TK2: variants seen among roughly 807,000 people sequenced by gnomAD.
TK2 encodes thymidine kinase 2.
In TK2, 35 loss-of-function variants were observed where a neutral mutation model predicts 41.9. The ratio of observed to expected loss-of-function variants is 0.84; its 90% CI spans 0.64 to 1.11. TK2 has a LOEUF of 1.11. Among genes scored for constraint, TK2 ranks in the 50% least tolerant of loss-of-function variants. The pLI, the probability that TK2 is intolerant of heterozygous loss-of-function variation, is 0.00. For synonymous variants in TK2, 128 were observed against 129.1 expected (o/e 0.99, Z 0.06); for missense variants, 320 against 351.1 (o/e 0.91, Z 0.71).
chr16:66,517,447 A>T lies in TK2; in HGVS notation c.539-232T>A, dbSNP rs1455156647. ...GGATTCTGTTCATAGACAGAGCTCA[A>T]AACAGGCCTCACACCCAGCAGGTCT... On this transcript the variant is annotated intron_variant, in intron 7 of 9. Transcript: ENST00000544898. This position sits in a 1 kb window ranked among gnomAD's most constrained non-coding sequence, Gnocchi z 4.3. The T allele has an allele frequency of 1.6e-6, 1 of 618,490 alleles. No individual in the cohort carries two copies. The highest frequency in any genetic ancestry group is 2.8e-5 in the East Asian group (1 of 36,174). 38.3% of individuals were successfully genotyped at this position (618,490 alleles called of 1,614,324 possible). A position where few individuals can be genotyped will look rare whatever the true frequency, so the allele number is the denominator to read the frequency against.
rs3743716 is a variant in TK2, at chr16:66,550,099, T to C, written c.-38A>G. On this transcript the variant is annotated 5_prime_UTR_variant, in exon 1 of 10. Coordinates refer to ENST00000544898, the MANE Select transcript of TK2 (RefSeq NM_004614.5). ...GGATCCAGAGGCCCGGGGTTCCTTC[T>C]TGTGCGAGTCGGCGCGGACGACTGC... is the stretch of plus-strand genomic sequence containing the variant. The C allele has an allele frequency of 0.15, 244,884 of 1,606,634 alleles. 27,655 individuals are homozygous for C. Among genetic ancestry groups the C allele is most frequent in the African/African-American group, 0.54 (40,504 of 74,916 alleles).
chr16:66,516,606 G>A (rs557278476), intron 8 of TK2, among the ~76,000 whole-genome samples: 1 of 152,284 alleles, frequency 6.6e-6, no homozygotes, highest in Non-Finnish European at 1.5e-5. Context: ...GGCCTATACT[G>A]GCAGAGTCCC....
At chr16:66,527,354 T>G (rs951474313) in intron 6 of TK2, among the ~76,000 whole-genome samples, 5 of 152,186 alleles carry the variant, frequency 3.3e-5, no homozygotes, top group Non-Finnish European at 7.3e-5. Context: ...CTCAAAGGCA[T>G]GATCCATGGC....
Position 66,512,006 on chromosome 16 carries a change from G to T in TK2, c.760C>A (p.Arg254=). The change falls in exon 10 of 10, where the codon CGA becomes AGA. Residue 254 remains arginine (R), a synonymous_variant. Transcript: ENST00000544898. ...TTCCGATTCTCTGGAGTTAATATTC[G>T]ATCCCGATTTTGTTCAAAGAGTTCT... ...MLELFEQNRD[R]ILTPENRKHC... 1 of 1,614,134 alleles carries T rather than the reference G, an allele frequency of 6.2e-7. No individual in the cohort carries two copies. Among genetic ancestry groups the T allele is most frequent in the Non-Finnish European group, 8.5e-7 (1 of 1,180,034 alleles).
intron 1 of TK2, chr16:66,549,292 G>A (rs1157708647): frequency 8.9e-6 from 11 of 1,234,680 alleles, no homozygotes; most frequent in Non-Finnish European, 1.1e-5. Flanking sequence ...GATCTTCACA[G>A]ACTGGATGTT....
At chr16:66,542,644 T>A (rs571395985) in intron 2 of TK2, among the ~76,000 whole-genome samples, 3 of 152,034 alleles carry the variant, frequency 2.0e-5, no homozygotes, top group African/African-American at 7.2e-5. Flanking sequence ...GGAAAGGGGG[T>A]CATGGCACTA....
rs772476450 is a variant in TK2 at position 66,549,939 on chromosome 16, G to C, written c.123C>G (p.Pro41=). 1 of 1,353,206 alleles carries C rather than the reference G, an allele frequency of 7.4e-7. No individual in the cohort carries two copies. The highest frequency in any genetic ancestry group is 9.4e-7 in the Non-Finnish European group (1 of 1,061,312). The allele number at this position is 1,353,206 out of a possible 1,614,324, so 83.8% of individuals were successfully genotyped here. ...PRRVQRRAWP[P]DKEQEKEKKS... The stretch of plus-strand genomic sequence containing the variant: ...AGGCGGGACCAAGACGCGCGTTACC[G>C]GGAGGCCAGGCCCGGCGCTGCACCC... Residue 41 remains proline, a splice_region_variant and synonymous_variant, in exon 1 of 10, where the codon CCC becomes CCG. Coordinates refer to ENST00000544898, the MANE Select transcript of TK2 (RefSeq NM_004614.5).
rs886052200 is a variant in TK2 at position 66,510,350 on chromosome 16, G to T, written c.*1618C>A. On this transcript the variant is annotated 3_prime_UTR_variant, in exon 10 of 10. Coordinates refer to ENST00000544898, the MANE Select transcript of TK2 (RefSeq NM_004614.5). ...ACATGTCAAGATTCCTGGTAGCAAA[G>T]GTTCTGCCTTCGCCAGTTTTCCAGC... 5 of 152,202 alleles carry T rather than the reference G, an allele frequency of 3.3e-5. No homozygotes were observed. Among genetic ancestry groups the T allele is most frequent in the Non-Finnish European group, 5.9e-5 (4 of 68,048 alleles). 9.4% of individuals were successfully genotyped at this position (152,202 alleles called of 1,614,324 possible).
At chr16:66,547,129 C>G (rs980278022) in intron 2 of TK2, among the ~76,000 whole-genome samples, 1 of 152,186 alleles carries the variant, frequency 6.6e-6, no homozygotes, top group Admixed American at 6.5e-5. Flanking sequence ...ATATTGTAAA[C>G]TGTGCCATGT....
chr16:66,543,776 C>T, intron 2 of TK2, among the ~76,000 whole-genome samples: 1 of 152,156 alleles, frequency 6.6e-6, no homozygotes, highest in South Asian at 2.1e-4. Context: ...GTCTCCCCAG[C>T]AACTAGAACT....
chr16:66,533,060 C>A (rs1965165252), intron 4 of TK2, among the ~76,000 whole-genome samples: 1 of 129,862 alleles, frequency 7.7e-6, no homozygotes, highest in African/African-American at 3.0e-5. Context: ...TATCACCTGT[C>A]TTTTTGATAA....
chr16:66,528,668 G>A (rs1965009866), intron 6 of TK2, among the ~76,000 whole-genome samples: 1 of 152,220 alleles, frequency 6.6e-6, no homozygotes, highest in Non-Finnish European at 1.5e-5. Flanking sequence ...GTCCCAGAAG[G>A]AGAGTGACAG....
Position 66,541,879 on chromosome 16 carries a change from C to T in TK2, c.231G>A (p.Glu77=). The change falls in exon 3 of 10, where the codon GAG becomes GAA. Residue 77 remains glutamate (E), a splice_region_variant and synonymous_variant. Coordinates refer to ENST00000544898, the MANE Select transcript of TK2 (RefSeq NM_004614.5). ...LEFFSNATDV[E]VLTEPVSKWR... ...TTCAAACCTAGCATAGAGGCTGTAC[C>T]TCGACGTCTGTCGCGTTGGAGAAGA... 1 of 1,614,140 alleles carries T rather than the reference C, an allele frequency of 6.2e-7. No homozygotes were observed. Among genetic ancestry groups the T allele is most frequent in the Non-Finnish European group, 8.5e-7 (1 of 1,180,004 alleles).
intron 3 of TK2, among the ~76,000 whole-genome samples, chr16:66,538,496 C>T (rs1424601256): frequency 6.6e-6 from 1 of 152,156 alleles, no homozygotes; most frequent in African/African-American, 2.4e-5. Flanking sequence ...AGGGGTGCTC[C>T]ATCCATAGCA....
chr16:66,539,431 T>C (rs1965387402), intron 3 of TK2, among the ~76,000 whole-genome samples: 1 of 151,658 alleles, frequency 6.6e-6, no homozygotes, highest in Admixed American at 6.6e-5. Flanking sequence ...AAACCCCATC[T>C]CTACTAAAAA....
intron 3 of TK2, among the ~76,000 whole-genome samples, chr16:66,540,693 A>C (rs920843684): frequency 3.3e-5 from 5 of 152,238 alleles, no homozygotes; most frequent in South Asian, 4.1e-4. Flanking sequence ...CTAGGCTTTA[A>C]ATGAACTAGA....
chr16:66,517,420 T>C lies in TK2; in HGVS notation c.539-205A>G, dbSNP rs1192541829. The C allele has an allele frequency of 4.6e-6, 3 of 649,666 alleles. No homozygotes were observed. The highest frequency in any genetic ancestry group is 8.3e-6 in the Non-Finnish European group (3 of 360,424). The allele number at this position is 649,666 out of a possible 1,614,324, so 40.2% of individuals were successfully genotyped here. On this transcript the variant is annotated intron_variant, in intron 7 of 9. Transcript: ENST00000544898. The surrounding 1 kb of genome is among the most constrained non-coding windows in gnomAD (Gnocchi z 4.3). The stretch of plus-strand genomic sequence containing the variant: ...CCCGTGGGGTCGTTTTGAGGCTGAA[T>C]GGGATTCTGTTCATAGACAGAGCTC...
In TK2 at chr16:66,545,277, A is replaced by C. The variant is rs545351522; in HGVS notation, c.157-3324T>G. Among the ~76,000 whole-genome samples the C allele has an allele frequency of 1.4e-4, 21 of 152,324 alleles. No homozygotes were observed. The East Asian group carries it at 3.7e-3, about 27-fold the overall frequency. ...CTCGTAAATCTCAGCAATCATTGTC[A>C]TTTGGATGTTTAATTAGAACCCAGG... On this transcript the variant is annotated intron_variant, in intron 2 of 9. Transcript: ENST00000544898.
chr16:66,524,088 C>T (rs1156848047), intron 6 of TK2, among the ~76,000 whole-genome samples: 1 of 152,178 alleles, frequency 6.6e-6, no homozygotes, highest in Admixed American at 6.5e-5. Flanking sequence ...CCCCAGCAAC[C>T]CAAATATGAA....
Sources: gnomAD v4.1 joint callset for allele counts (sites outside exome capture counted in the v4.1 genomes callset) on GRCh38, gnomAD v4.1.1 for gene constraint, Gnocchi (gnomAD v3.1) non-coding constraint, MANE v1.5 for transcripts, NCBI Gene and HGNC (gene_info 2026-07-23, HGNC 2026-07-21) for gene names.